Variants in DHRSX observed in about 807,000 individuals in gnomAD.
DHRSX encodes polyprenol dehydrogenase.
Under a neutral mutation model 34.0 loss-of-function variants are expected in DHRSX, and 31 were observed. That is an observed-to-expected ratio of 0.91 (90% CI 0.69 to 1.23). DHRSX has a LOEUF of 1.23. Among genes scored for constraint, DHRSX ranks in the 50% most tolerant of loss-of-function variants. The pLI, the probability that DHRSX is intolerant of heterozygous loss-of-function variation, is 0.00. For missense variants in DHRSX, 414 were observed against 428.1 expected, an observed-to-expected ratio of 0.97 and a Z score of 0.29; for synonymous variants, 201 against 183.8, an observed-to-expected ratio of 1.09 and a Z score of -0.76.
intron 1 of DHRSX, among the ~76,000 whole-genome samples, chrX:2,452,105 C>T (rs1455494073): frequency 1.3e-5 from 2 of 149,926 alleles, no homozygotes; most frequent in African/African-American, 2.5e-5. Flanking sequence ...TCACTGAAGA[C>T]GTTCACTAAG....
At chrX:2,301,785 C>A (rs1432172008) in intron 3 of DHRSX, among the ~76,000 whole-genome samples, 3 of 152,088 alleles carry the variant, frequency 2.0e-5, no homozygotes, top group Non-Finnish European at 2.9e-5. Context: ...ACTACAGGCA[C>A]CCGCCACCAC....
chrX:2,330,667 A>G (rs868580317), intron 3 of DHRSX, among the ~76,000 whole-genome samples: 15 of 124,198 alleles, frequency 1.2e-4, no homozygotes, highest in South Asian at 5.1e-4. Flanking sequence ...GAAGGAGAAG[A>G]AGGAGAAGGA....
intron 3 of DHRSX, among the ~76,000 whole-genome samples, chrX:2,372,190 A>G (rs769885217): frequency 2.0e-5 from 3 of 152,306 alleles, no homozygotes; most frequent in African/African-American, 7.2e-5. Context: ...TCCATTATAC[A>G]GTCAACGTAT....
chrX:2,246,045 TTC>T (rs1345851960), intron 5 of DHRSX, among the ~76,000 whole-genome samples: 1 of 151,230 alleles, frequency 6.6e-6, no homozygotes, highest in Non-Finnish European at 1.5e-5. Context: ...CATCAGGACT[TTC>T]TGAGGCTATG....
At chrX:2,336,159 C>T (rs1261332170) in intron 3 of DHRSX, among the ~76,000 whole-genome samples, 1 of 152,040 alleles carries the variant, frequency 6.6e-6, no homozygotes, top group Non-Finnish European at 1.5e-5. Context: ...AGGCGCCCGC[C>T]ACCATGCCCA....
chrX:2,241,169 C>G (rs893840181), intron 6 of DHRSX, among the ~76,000 whole-genome samples: 2 of 152,098 alleles, frequency 1.3e-5, no homozygotes, highest in African/African-American at 4.8e-5. Context: ...GGTGATAGAG[C>G]TAGACTCCAT....
At chrX:2,306,049 G>A (rs752107131) in intron 3 of DHRSX, among the ~76,000 whole-genome samples, 1 of 152,172 alleles carries the variant, frequency 6.6e-6, no homozygotes, top group African/African-American at 2.4e-5. Context: ...GTTGATAGGT[G>A]CAGCAAACCA....
chrX:2,231,895 CTCTT>C lies in DHRSX; in HGVS notation c.805-10670_805-10667del, dbSNP rs759729426. On this transcript the variant is annotated intron_variant, in intron 6 of 6. Transcript: ENST00000334651. ...CTTCTCCAACTTCTTCCTCCTCCTC[CTCTT>C]TCTCTTATCTTCTTCTTTTCCTCTA... Among the ~76,000 whole-genome samples the C allele has an allele frequency of 1.6e-3, 240 of 150,450 alleles. 2 individuals are homozygous for C. The highest frequency in any genetic ancestry group is 3.8e-3 in the South Asian group (18 of 4,740).
chrX:2,439,926 G>A (rs187272490), intron 1 of DHRSX, among the ~76,000 whole-genome samples: 17 of 152,242 alleles, frequency 1.1e-4, no homozygotes, highest in Admixed American at 2.6e-4. Context: ...GCTGGGGACC[G>A]GTACTGGATG....
In DHRSX at chrX:2,396,375, C is replaced by CTTTTTTT. The variant is rs1204243041; in HGVS notation, c.286+12363_286+12369dup. On this transcript the variant is annotated intron_variant, in intron 3 of 6. Coordinates refer to ENST00000334651, the MANE Select transcript of DHRSX (RefSeq NM_145177.3). ...TGTGTTTGATGCTTTCTTTCTTTTT[C>CTTTTTTT]TTTTTTTTTTTTTTTTTTTTGAGAC... Among the ~76,000 whole-genome samples the CTTTTTTT allele has an allele frequency of 8.8e-3, 875 of 99,106 alleles. 6 individuals are homozygous for CTTTTTTT. The highest frequency in any genetic ancestry group is 0.01 in the African/African-American group (260 of 25,840). 65.0% of individuals were successfully genotyped at this position (99,106 alleles called of 152,430 possible). A position where few individuals can be genotyped will look rare whatever the true frequency, so the allele number is the denominator to read the frequency against.
intron 1 of DHRSX, among the ~76,000 whole-genome samples, chrX:2,444,815 A>G (rs925010367): frequency 1.8e-4 from 27 of 151,452 alleles, no homozygotes; most frequent in Non-Finnish European, 3.2e-4. Context: ...AGCCTGTGGG[A>G]CACAGCAAGA....
chrX:2,324,159 G>A (rs1258406093), intron 3 of DHRSX, among the ~76,000 whole-genome samples: 1 of 151,978 alleles, frequency 6.6e-6, no homozygotes, highest in Non-Finnish European at 1.5e-5. Flanking sequence ...ACATTTATCT[G>A]GTAGACCAGA....
intron 1 of DHRSX, among the ~76,000 whole-genome samples, chrX:2,484,159 G>A (rs1189603971): frequency 6.6e-6 from 1 of 152,118 alleles, no homozygotes. Flanking sequence ...TTTTAGTAGA[G>A]ATGGGGTTTC....
intron 1 of DHRSX, among the ~76,000 whole-genome samples, chrX:2,476,398 CAAA>C (rs34249061): frequency 9.7e-6 from 1 of 102,914 alleles, no homozygotes. Context: ...AACTCCATCT[CAAA>C]AAAAAAAAAA....
chrX:2,437,063 T>G lies in DHRSX; in HGVS notation c.110-11759A>C, dbSNP rs2044000745. On this transcript the variant is annotated intron_variant, in intron 1 of 6. Transcript: ENST00000334651. ...CCCAGGCTGGAGTGCAGTGGTGCAA[T>G]CTCGGCTCACTGCAAGCTCTGCCTC... 2.6e-5 allele frequency among the ~76,000 whole-genome samples: 4 copies of G among 152,022 alleles called. No homozygotes were observed. In the South Asian group the frequency reaches 8.3e-4, roughly 31 times the overall value.
At chrX:2,334,556 T>G (rs73189639) in intron 3 of DHRSX, 1 of 151,884 alleles carries the variant, frequency 6.6e-6, no homozygotes, top group African/African-American at 2.4e-5. Flanking sequence ...TGGGCTCAAG[T>G]GATCCTCCCG....
intron 3 of DHRSX, among the ~76,000 whole-genome samples, chrX:2,309,606 C>T (rs1278744557): frequency 6.6e-6 from 1 of 152,196 alleles, no homozygotes; most frequent in Non-Finnish European, 1.5e-5. Flanking sequence ...TGTAACCCAA[C>T]TGGGCTAATT....
rs1352449459 is a variant in DHRSX, at chrX:2,363,414, TGCC to T, written c.286+45328_286+45330del. 3.6e-5 allele frequency among the ~76,000 whole-genome samples: 5 copies of T among 138,700 alleles called. 1 individual carries two copies. The highest frequency in any genetic ancestry group is 4.9e-4 in the South Asian group (2 of 4,076). 91.0% of individuals were successfully genotyped at this position (138,700 alleles called of 152,430 possible). ...ATTTTATCACTGTTCTATGGTATCA[TGCC>T]GCCATTTTATCACTGTTCTATGGTA... On this transcript the variant is annotated intron_variant, in intron 3 of 6. Transcript: ENST00000334651.
intron 3 of DHRSX, 39 bp downstream of exon 3, chrX:2,408,706 A>C (rs774379131): frequency 4.4e-6 from 7 of 1,576,538 alleles, no homozygotes; most frequent in Non-Finnish European, 4.3e-6. Flanking sequence ...CCAAGGAAAA[A>C]AAAAAACAAA....
Sources: gnomAD v4.1 joint callset for allele counts (sites outside exome capture counted in the v4.1 genomes callset) on GRCh38, gnomAD v4.1.1 for gene constraint, MANE v1.5 for transcripts, NCBI Gene and HGNC (gene_info 2026-07-23, HGNC 2026-07-21) for gene names.